The following PPFIA2 variants were observed in gnomAD, a reference collection of about 807,000 sequenced individuals.
The protein encoded by PPFIA2 is PPFI scaffold protein A2.
In PPFIA2, 46 loss-of-function variants were observed where a neutral mutation model predicts 175.5. That is an observed-to-expected ratio of 0.26 (90% CI 0.21 to 0.34). The LOEUF (loss-of-function observed/expected upper bound fraction) is 0.34, where lower values mean the gene tolerates loss of function less well. PPFIA2 is among the 10% of genes least tolerant of loss of function. PPFIA2 has a pLI of 1.00. For synonymous variants in PPFIA2, 568 were observed against 511.4 expected (o/e 1.11, Z -1.49); for missense variants, 1,179 against 1,506.1 (o/e 0.78, Z 3.60).
chr12:81,311,456 C>T (rs950100180), intron 22 of PPFIA2, among the ~76,000 whole-genome samples: 2 of 151,966 alleles, frequency 1.3e-5, no homozygotes, highest in Admixed American at 1.3e-4. Context: ...AGAGGCGGCC[C>T]GGCGTGGTGG....
In PPFIA2 at chr12:81,754,090, A is replaced by C; in HGVS notation, c.132T>G (p.Arg44=). The C allele has an allele frequency of 6.2e-7, 1 of 1,613,874 alleles. No individual in the cohort carries two copies. The highest frequency in any genetic ancestry group is 8.5e-7 in the Non-Finnish European group (1 of 1,179,864). The change falls in exon 3 of 33, where the codon CGT becomes CGG. Residue 44 remains arginine (R), a synonymous_variant. Coordinates refer to ENST00000549396, the MANE Select transcript of PPFIA2 (RefSeq NM_003625.5). ...LMVNMLDERD[R]LLDTLRETQE... ...GGGTCTCCCGAAGGGTGTCTAGAAG[A>C]CGATCCCTTTCATCTAGCATATTCA...
intron 3 of PPFIA2, among the ~76,000 whole-genome samples, chr12:81,717,413 C>T (rs991628325): frequency 6.6e-6 from 1 of 151,652 alleles, no homozygotes; most frequent in Non-Finnish European, 1.5e-5. Flanking sequence ...TGCAGGAAAT[C>T]CAACACTGGT....
intron 4 of PPFIA2, among the ~76,000 whole-genome samples, chr12:81,550,147 T>C (rs1242196805): frequency 1.4e-4 from 21 of 151,920 alleles, no homozygotes; most frequent in Non-Finnish European, 1.5e-5. Context: ...CTCTGCCCTT[T>C]CGAAACTCTG....
At chr12:81,293,466 A>C (rs2045592156) in intron 24 of PPFIA2, among the ~76,000 whole-genome samples, 2 of 151,632 alleles carry the variant, frequency 1.3e-5, no homozygotes, top group South Asian at 4.1e-4. Context: ...ACATAATTTC[A>C]TAATTACAGA....
intron 3 of PPFIA2, among the ~76,000 whole-genome samples, chr12:81,733,092 C>A (rs1444600400): frequency 1.3e-5 from 2 of 151,394 alleles, no homozygotes; most frequent in Non-Finnish European, 3.0e-5. Context: ...ATACAACAAT[C>A]TTTTATTGTC....
At chr12:81,417,318 T>A (rs959832553) in intron 7 of PPFIA2, 2 of 151,718 alleles carry the variant, frequency 1.3e-5, no homozygotes, top group Non-Finnish European at 3.0e-5. Flanking sequence ...TTTGACCTCT[T>A]CAGCCGTGCA....
intron 3 of PPFIA2, among the ~76,000 whole-genome samples, chr12:81,683,726 C>T (rs78246127): frequency 0.015 from 2,224 of 152,110 alleles, 55 homozygotes; most frequent in East Asian, 0.044. Context: ...TTCTAGATGT[C>T]CTCATCCATT....
intron 4 of PPFIA2, among the ~76,000 whole-genome samples, chr12:81,673,064 C>G (rs1178663982): frequency 2.6e-5 from 4 of 152,074 alleles, no homozygotes; most frequent in Admixed American, 2.6e-4. Flanking sequence ...TATGGCCAAG[C>G]TGATCCACTA....
intron 4 of PPFIA2, among the ~76,000 whole-genome samples, chr12:81,663,151 C>T (rs1459501577): frequency 1.3e-5 from 2 of 152,140 alleles, no homozygotes; most frequent in Middle Eastern, 3.2e-3. Context: ...CCCTCTCTCG[C>T]CACTCCTATT....
intron 3 of PPFIA2, among the ~76,000 whole-genome samples, chr12:81,739,732 T>C (rs1392671706): frequency 6.6e-6 from 1 of 152,080 alleles, no homozygotes; most frequent in Admixed American, 6.6e-5. Context: ...GAGAAAATCA[T>C]AGGTAAGAAT....
chr12:81,629,548 G>GTAAGGAACTTA (rs1348024105), intron 4 of PPFIA2, among the ~76,000 whole-genome samples: 1 of 152,168 alleles, frequency 6.6e-6, no homozygotes. Context: ...TATGGAAGGA[G>GTAAGGAACTTA]TGCTTAATAG....
Position 81,457,793 on chromosome 12 carries a change from TC to T in PPFIA2, c.376del (p.Glu126AsnfsTer27). 6.2e-7 allele frequency: 1 copy of T among 1,610,062 alleles called. No homozygotes were observed. The highest frequency in any genetic ancestry group is 8.5e-7 in the Non-Finnish European group (1 of 1,177,932). On this transcript the variant is annotated frameshift_variant, in exon 5 of 33. Coordinates refer to ENST00000549396, the MANE Select transcript of PPFIA2 (RefSeq NM_003625.5). LOFTEE classifies it high-confidence loss of function. ...TGTGTTGTTTCTTTCAGCTTTAAGT[TC>T]AGAGATTTCTTCTTCCTTTTCTAGA... is the stretch of plus-strand genomic sequence containing the variant. ...QLLEKEEEIS[E>X]LKAERNNTRL...
intron 4 of PPFIA2, among the ~76,000 whole-genome samples, chr12:81,587,156 T>C (rs1180180284): frequency 6.6e-6 from 1 of 152,048 alleles, no homozygotes; most frequent in Non-Finnish European, 1.5e-5. Flanking sequence ...TTGCATCTGC[T>C]TCCCCATCCA....
At chr12:81,281,482 A>G in intron 26 of PPFIA2, 32 bp from the exon 27 acceptor site, 1 of 1,449,336 alleles carries the variant, frequency 6.9e-7, no homozygotes. Context: ...CAAGTTTCTT[A>G]ACCAATCAGA....
At chr12:81,319,826 CT>C (rs2053260404) in intron 22 of PPFIA2, among the ~76,000 whole-genome samples, 1 of 151,856 alleles carries the variant, frequency 6.6e-6, no homozygotes, top group Admixed American at 6.6e-5. Flanking sequence ...GATATCCTGG[CT>C]CTGTTGTTTC....
chr12:81,477,040 C>G (rs533025762), intron 4 of PPFIA2, among the ~76,000 whole-genome samples: 1 of 151,868 alleles, frequency 6.6e-6, no homozygotes, highest in Non-Finnish European at 1.5e-5. Context: ...GGGGAACACA[C>G]ACTGGAGCCT....
intron 4 of PPFIA2, among the ~76,000 whole-genome samples, chr12:81,591,354 T>A (rs1170748371): frequency 6.6e-6 from 1 of 152,164 alleles, no homozygotes; most frequent in Non-Finnish European, 1.5e-5. Flanking sequence ...ATGTGCAGCC[T>A]GACAATGCTA....
At chr12:81,388,845 G>A (rs7961641) in intron 8 of PPFIA2, among the ~76,000 whole-genome samples, 28 of 151,512 alleles carry the variant, frequency 1.8e-4, no homozygotes, top group Admixed American at 2.6e-4. Context: ...GTTAATTTAC[G>A]CTTTACCACA....
intron 3 of PPFIA2, among the ~76,000 whole-genome samples, chr12:81,711,047 T>C (rs1339221573): frequency 6.6e-6 from 1 of 150,988 alleles, no homozygotes; most frequent in Non-Finnish European, 1.5e-5. Context: ...CTTGGAAACA[T>C]AGAGAGACCT....
Sources: allele counts gnomAD v4.1 joint callset (sites outside exome capture counted in the v4.1 genomes callset), GRCh38; gene constraint gnomAD v4.1.1; transcripts MANE v1.5; gene names NCBI Gene and HGNC (gene_info 2026-07-23, HGNC 2026-07-21).